The following CNTNAP4 variants were observed in gnomAD, a reference collection of about 807,000 sequenced individuals.
CNTNAP4 encodes contactin-associated protein-like 4.
In CNTNAP4, 98 loss-of-function variants were observed where a neutral mutation model predicts 148.4. The observed-to-expected ratio is 0.66, with a 90% CI of 0.56 to 0.78. The LOEUF is 0.78. Among genes scored for constraint, CNTNAP4 ranks in the 30% least tolerant of loss-of-function variants. The probability of loss-of-function intolerance (pLI) is 0.00; values close to 1 mark genes in which losing one functional copy is unlikely to be tolerated. For synonymous variants in CNTNAP4, 730 were observed against 565.1 expected (o/e 1.29, Z -4.14); for missense variants, 1,935 against 1,565.6 (o/e 1.24, Z -3.98).
At chr16:76,425,453 A>T (rs1400704919) in intron 3 of CNTNAP4, among the ~76,000 whole-genome samples, 2 of 152,184 alleles carry the variant, frequency 1.3e-5, no homozygotes, top group African/African-American at 4.8e-5. Context: ...GGTGTTACGG[A>T]TGGAACACAA....
intron 12 of CNTNAP4, among the ~76,000 whole-genome samples, chr16:76,485,798 AC>A (rs2082006087): frequency 6.6e-6 from 1 of 152,204 alleles, no homozygotes; most frequent in African/African-American, 2.4e-5. Context: ...GGCCTTCTTA[AC>A]AGCTATGAGG....
At chr16:76,402,111 G>C (rs1006668814) in intron 3 of CNTNAP4, among the ~76,000 whole-genome samples, 6 of 152,154 alleles carry the variant, frequency 3.9e-5, no homozygotes, top group African/African-American at 9.7e-5. Flanking sequence ...TCATATCATT[G>C]GGAATGGTAC....
chr16:76,447,800 T>C (rs1288031625), intron 4 of CNTNAP4, among the ~76,000 whole-genome samples: 1 of 152,152 alleles, frequency 6.6e-6, no homozygotes. Context: ...TGAGGTTTGG[T>C]GGGTTACATG....
At chr16:76,356,362 C>T (rs555675168) in intron 3 of CNTNAP4, among the ~76,000 whole-genome samples, 2 of 152,132 alleles carry the variant, frequency 1.3e-5, no homozygotes, top group Non-Finnish European at 2.9e-5. Context: ...AAACCCTTCT[C>T]TAGTCTCTGT....
At chr16:76,320,216 G>T (rs1405774589) in intron 2 of CNTNAP4, among the ~76,000 whole-genome samples, 1 of 152,166 alleles carries the variant, frequency 6.6e-6, no homozygotes, top group Non-Finnish European at 1.5e-5. Context: ...GTCGAATTGT[G>T]TTCTAATGCT....
chr16:76,379,459 T>A (rs73615719), intron 3 of CNTNAP4, among the ~76,000 whole-genome samples: 4 of 152,220 alleles, frequency 2.6e-5, no homozygotes, highest in Admixed American at 2.6e-4. Context: ...TTAGAGTTGA[T>A]GTTAGTTTTA....
chr16:76,521,299 T>C lies in CNTNAP4; in HGVS notation c.2525T>C (p.Ile842Thr), dbSNP rs777733022. Residue 842 changes from isoleucine (I) to threonine (T), a missense_variant, in exon 16 of 24, where the codon ATA (isoleucine) becomes ACA (threonine). Physicochemically the swap from Ile to Thr is moderately conservative, Grantham distance 89 (BLOSUM62 -1). Coordinates refer to ENST00000611870, the MANE Select transcript of CNTNAP4 (RefSeq NM_033401.5). ...TTGGGGATTGCTGATTTTATACGGA[T>C]AGAGCTTCGCTGTAAGTCTCCTTTT... ...ENLGIADFIR[I>T]ELRSPTVVTF... 3.1e-6 allele frequency: 5 copies of C among 1,607,422 alleles called. No individual in the cohort carries two copies. The African/African-American group carries it at 4.0e-5, about 13-fold the overall frequency.
chr16:76,356,035 C>T (rs900693881), intron 3 of CNTNAP4, among the ~76,000 whole-genome samples: 8 of 151,760 alleles, frequency 5.3e-5, no homozygotes, highest in African/African-American at 1.5e-4. Flanking sequence ...CAACCACACC[C>T]GGCTAATTTT....
At chr16:76,447,962 A>C in intron 4 of CNTNAP4, 50 bp from the exon 5 acceptor site, 2 of 1,354,586 alleles carry the variant, frequency 1.5e-6, no homozygotes, top group Non-Finnish European at 1.0e-6. Context: ...AAATGATTTA[A>C]TGGAAAAGAT....
At chr16:76,425,525 G>A (rs772514701) in intron 3 of CNTNAP4, among the ~76,000 whole-genome samples, 12 of 152,180 alleles carry the variant, frequency 7.9e-5, no homozygotes, top group Non-Finnish European at 1.6e-4. Context: ...GGCAGATAAT[G>A]ATCAAATAAG....
rs759720538 is a variant in CNTNAP4, at chr16:76,498,695, G to A, written c.2365+1G>A. The A allele has an allele frequency of 1.9e-6, 3 of 1,601,310 alleles. No homozygotes were observed. Among genetic ancestry groups the A allele is most frequent in the Non-Finnish European group, 2.6e-6 (3 of 1,175,270 alleles). On this transcript the variant is annotated splice_donor_variant, in intron 15 of 23. Coordinates refer to ENST00000611870, the MANE Select transcript of CNTNAP4 (RefSeq NM_033401.5). LOFTEE classifies it high-confidence loss of function. The stretch of plus-strand genomic sequence containing the variant: ...GGGCCTCTGCTCTGCCAGGGAGACA[G>A]TAAGTGGTTACAATGTGTTGAAACC...
intron 3 of CNTNAP4, among the ~76,000 whole-genome samples, chr16:76,416,044 T>A (rs2078969501): frequency 1.3e-5 from 2 of 151,232 alleles, no homozygotes; most frequent in African/African-American, 4.8e-5. Context: ...TTAACTTCTA[T>A]CCTTAACTCA....
At chr16:76,375,563 C>G (rs1242658447) in intron 3 of CNTNAP4, among the ~76,000 whole-genome samples, 2 of 152,210 alleles carry the variant, frequency 1.3e-5, no homozygotes, top group Non-Finnish European at 2.9e-5. Context: ...ACAAGGTTGG[C>G]TCTTACCTTT....
chr16:76,352,671 T>C (rs1317192002), intron 2 of CNTNAP4, among the ~76,000 whole-genome samples: 4 of 152,094 alleles, frequency 2.6e-5, no homozygotes, highest in Non-Finnish European at 5.9e-5. Context: ...GCTCAGCAAA[T>C]GTGAAGTAAT....
chr16:76,431,689 G>C (rs994039828), intron 4 of CNTNAP4, among the ~76,000 whole-genome samples: 1 of 152,128 alleles, frequency 6.6e-6, no homozygotes, highest in Non-Finnish European at 1.5e-5. Flanking sequence ...AAAAGTAAAG[G>C]GGGAGGTAAG....
At chr16:76,521,903 T>C (rs2083467318) in intron 16 of CNTNAP4, 136 bp from the exon 17 acceptor site, 5 of 777,408 alleles carry the variant, frequency 6.4e-6, no homozygotes, top group Middle Eastern at 2.7e-4. Context: ...TTTCAAACAA[T>C]AGCATTGAAA....
chr16:76,357,707 C>T (rs1194311968), intron 3 of CNTNAP4, among the ~76,000 whole-genome samples: 2 of 152,292 alleles, frequency 1.3e-5, no homozygotes, highest in East Asian at 1.9e-4. Context: ...ATAAAATGCA[C>T]TTTCTTGTAG....
chr16:76,277,692 G>A lies in CNTNAP4; in HGVS notation c.30G>A (p.Lys10=). Residue 10 remains lysine, a synonymous_variant, in exon 1 of 24, where the codon AAG becomes AAA. Coordinates refer to ENST00000611870, the MANE Select transcript of CNTNAP4 (RefSeq NM_033401.5). The stretch of plus-strand genomic sequence containing the variant: ...GATCTGTCACGGGAGCTGTCCTCAA[G>A]ACGCTACTTCTGTTATCTACTCAAA... MGSVTGAVL[K]TLLLLSTQNW... 1.2e-6 allele frequency: 2 copies of A among 1,606,186 alleles called. No individual in the cohort carries two copies. The highest frequency in any genetic ancestry group is 1.7e-6 in the Non-Finnish European group (2 of 1,176,034).
chr16:76,356,969 C>T (rs752755093), intron 3 of CNTNAP4, among the ~76,000 whole-genome samples: 1 of 151,608 alleles, frequency 6.6e-6, no homozygotes, highest in South Asian at 2.1e-4. Flanking sequence ...GAAGAAGTTG[C>T]CTATAAGCAG....
Sources: allele counts gnomAD v4.1 joint callset (sites outside exome capture counted in the v4.1 genomes callset), GRCh38; gene constraint gnomAD v4.1.1; transcripts MANE v1.5; gene names NCBI Gene and HGNC (gene_info 2026-07-23, HGNC 2026-07-21).